DET1: variants seen among roughly 807,000 people sequenced by gnomAD.
DET1 encodes the protein DET1 partner of COP1 E3 ubiquitin ligase.
A neutral mutation model predicts 43.7 loss-of-function variants in DET1; 22 were observed. The observed-to-expected ratio is 0.50, with a 90% CI of 0.36 to 0.72. The LOEUF is 0.72. Ranked by LOEUF, DET1 falls within the 30% of genes least tolerant of loss-of-function variation. The probability of loss-of-function intolerance (pLI) is 0.00; values close to 1 mark genes in which losing one functional copy is unlikely to be tolerated. For missense variants in DET1, 713 were observed against 713.3 expected, an observed-to-expected ratio of 1.00 and a Z score of 0.00; for synonymous variants, 315 against 266.2, an observed-to-expected ratio of 1.18 and a Z score of -1.79.
At position 88,516,120 on chromosome 15, in the gene DET1, C is replaced by T. The variant is rs1252635500; in HGVS notation, c.1463+662G>A. The stretch of plus-strand genomic sequence containing the variant: ...TGTGTGAAAAAGACCTTCCAAGCTC[C>T]AGCCTATAGCCTCAGGAACACACCC... On this transcript the variant is annotated intron_variant, in intron 4 of 4. Transcript: ENST00000268148. This position sits in a 1 kb window ranked among gnomAD's most constrained non-coding sequence, Gnocchi z 4.4. Among the ~76,000 whole-genome samples, 3 of 152,154 alleles carry T rather than the reference C, an allele frequency of 2.0e-5. No homozygotes were observed. The highest frequency in any genetic ancestry group is 2.1e-4 in the South Asian group (1 of 4,824).
downstream of DET1, among the ~76,000 whole-genome samples, chr15:88,509,770 C>T (rs185696399): frequency 1.3e-4 from 20 of 152,352 alleles, no homozygotes; most frequent in Admixed American, 1.2e-3. Flanking sequence ...ATTTCCCAAG[C>T]TCCCTTGCTT....
In DET1 at chr15:88,531,269, A is replaced by G; in HGVS notation, c.437T>C (p.Leu146Pro). Residue 146 changes from leucine to proline, a missense_variant, in exon 2 of 5, where the codon CTC becomes CCC. Leu to Pro is a moderately conservative substitution (Grantham distance 98, BLOSUM62 -3). Transcript: ENST00000268148. The surrounding 1 kb of genome is among the most constrained non-coding windows in gnomAD (Gnocchi z 6.2). ...NGEHLNRECSLFTDDCRCVIV... is the reference protein window; with the variant it reads ...NGEHLNRECSPFTDDCRCVIV... ...GACACAGCGGCAGTCATCAGTGAAG[A>G]GACTACACTCCCGGTTCAGGTGCTC... 2 of 1,613,872 alleles carry G rather than the reference A, an allele frequency of 1.2e-6. No homozygotes were observed. The highest frequency in any genetic ancestry group is 1.7e-6 in the Non-Finnish European group (2 of 1,179,856).
rs1361900850 is a variant in DET1 at position 88,530,693 on chromosome 15, T to C, written c.1013A>G (p.Asp338Gly). 3.1e-6 allele frequency: 5 copies of C among 1,613,884 alleles called. No individual in the cohort carries two copies. The highest frequency in any genetic ancestry group is 4.2e-6 in the Non-Finnish European group (5 of 1,179,886). Residue 338 changes from aspartate (D) to glycine (G), a missense_variant, in exon 2 of 5, where the codon GAT (aspartate) becomes GGT (glycine). Physicochemically the swap from Asp to Gly is moderately conservative, Grantham distance 94. Transcript: ENST00000268148. ...QLRMWKMQLL[D>G]ENHLFIKYTS... ...GTACTTGATAAACAGGTGGTTTTCATCCAGAAGCTGCATTTTCCACATTCG... is the reference window on the plus strand; with the variant it reads ...GTACTTGATAAACAGGTGGTTTTCACCCAGAAGCTGCATTTTCCACATTCG...
At chr15:88,525,246 G>T (rs1006930840) in intron 3 of DET1, among the ~76,000 whole-genome samples, 1 of 152,046 alleles carries the variant, frequency 6.6e-6, no homozygotes, top group South Asian at 2.1e-4. Context: ...ACTGAAAATA[G>T]CATCCTCTGC....
intron 2 of DET1, among the ~76,000 whole-genome samples, 171 bp downstream of exon 2, chr15:88,530,452 A>G (rs1430849284): frequency 6.6e-6 from 1 of 152,222 alleles, no homozygotes; most frequent in African/African-American, 2.4e-5. Context: ...TTGTCCAGAT[A>G]AATACATATG....
chr15:88,544,380 G>A (rs1362375379), intron 1 of DET1, among the ~76,000 whole-genome samples: 3 of 152,208 alleles, frequency 2.0e-5, no homozygotes, highest in East Asian at 3.9e-4. Flanking sequence ...TTAAAATCAT[G>A]TATGGGAGGG....
At chr15:88,541,349 A>G (rs1377401647) in intron 1 of DET1, among the ~76,000 whole-genome samples, 2 of 151,832 alleles carry the variant, frequency 1.3e-5, no homozygotes, top group Non-Finnish European at 2.9e-5. Context: ...TGATCAATAA[A>G]TACTAAGGGA....
intron 3 of DET1, among the ~76,000 whole-genome samples, chr15:88,520,151 T>C (rs556303614): frequency 2.4e-4 from 37 of 152,276 alleles, no homozygotes; most frequent in African/African-American, 7.7e-4. Flanking sequence ...TGTTTCCCCT[T>C]CTCTACAGGA....
At chr15:88,522,483 A>G (rs2056518878) in intron 3 of DET1, among the ~76,000 whole-genome samples, 1 of 133,398 alleles carries the variant, frequency 7.5e-6, no homozygotes, top group African/African-American at 2.9e-5. Flanking sequence ...AATTTCCAAA[A>G]GTTTCTCATT....
At chr15:88,503,870 T>C (rs757994053) in intron 8 of DET1, 1 of 152,028 alleles carries the variant, frequency 6.6e-6, no homozygotes, top group Non-Finnish European at 1.5e-5. Context: ...CATGGTGACA[T>C]GTACCTGTGG....
intron 8 of DET1, chr15:88,503,569 G>C (rs2056109209): frequency 1.3e-5 from 2 of 152,232 alleles, no homozygotes; most frequent in South Asian, 2.1e-4. Context: ...ATCTCTCTAA[G>C]GTCAGTTTCC....
downstream of DET1, chr15:88,511,544 T>C (rs1288221768): frequency 1.0e-6 from 1 of 985,472 alleles, no homozygotes; most frequent in African/African-American, 1.7e-5. Flanking sequence ...TTCCACAGTA[T>C]ATTTTTCTTT....
intron 3 of DET1, among the ~76,000 whole-genome samples, chr15:88,522,727 C>G (rs914463424): frequency 4.0e-5 from 6 of 151,632 alleles, no homozygotes; most frequent in Non-Finnish European, 8.8e-5. Flanking sequence ...ACCATGGTAG[C>G]CAGGATGGTC....
downstream of DET1, among the ~76,000 whole-genome samples, chr15:88,507,995 T>C (rs150934753): frequency 2.1e-4 from 32 of 152,152 alleles, 1 homozygote; most frequent in African/African-American, 7.5e-4. Context: ...GCGGCGGCAT[T>C]AGATTCTCAT....
Position 88,533,801 on chromosome 15 carries a change from T to G in DET1, c.-10-2086A>C, listed in dbSNP as rs551182454. On this transcript the variant is annotated intron_variant, in intron 1 of 4. Coordinates refer to ENST00000268148, the MANE Select transcript of DET1 (RefSeq NM_001144074.3). ...ACTTGGGAGGCTGAGGTGGACCACT[T>G]GAGCCCAGGAGTTTGAGTCTAGCTT... Among the ~76,000 whole-genome samples the G allele has an allele frequency of 3.7e-5, 5 of 134,608 alleles. No homozygotes were observed. In the East Asian group the frequency reaches 1.1e-3, roughly 29 times the overall value. The allele number at this position is 134,608 out of a possible 152,430, so 88.3% of individuals were successfully genotyped here. A position where few individuals can be genotyped will look rare whatever the true frequency, so the allele number is the denominator to read the frequency against.
chr15:88,512,095 T>A (rs2056210116), downstream of DET1, among the ~76,000 whole-genome samples: 1 of 152,232 alleles, frequency 6.6e-6, no homozygotes, highest in Non-Finnish European at 1.5e-5. Context: ...CAGTCTGGTC[T>A]CTGTAGGGAC....
In DET1 at chr15:88,516,357, G is replaced by C. The variant is rs955265138; in HGVS notation, c.1463+425C>G. ...AATTCCTCCAAGTGAGGAAGCATGA[G>C]TTTCTTCTAAATCTGTCAGCAGGTC... On this transcript the variant is annotated intron_variant, in intron 4 of 4. Coordinates refer to ENST00000268148, the MANE Select transcript of DET1 (RefSeq NM_001144074.3). The surrounding 1 kb of genome is among the most constrained non-coding windows in gnomAD (Gnocchi z 4.4). Among the ~76,000 whole-genome samples the C allele has an allele frequency of 6.6e-6, 1 of 152,170 alleles. No individual in the cohort carries two copies. The highest frequency in any genetic ancestry group is 6.5e-5 in the Admixed American group (1 of 15,276).
At chr15:88,511,047 C>T (rs1055512309), downstream of DET1, among the ~76,000 whole-genome samples, 3 of 152,190 alleles carry the variant, frequency 2.0e-5, no homozygotes, top group Admixed American at 6.5e-5. Flanking sequence ...GCTGGGATTA[C>T]AGGCATGAGC....
chr15:88,517,222 G>GT (rs1246400422), intron 3 of DET1, among the ~76,000 whole-genome samples: 1 of 142,118 alleles, frequency 7.0e-6, no homozygotes, highest in Non-Finnish European at 1.5e-5. Flanking sequence ...TTTGGGTTTT[G>GT]GGTTTTTTTT....
Sources: gnomAD v4.1 joint callset for allele counts (sites outside exome capture counted in the v4.1 genomes callset) on GRCh38, gnomAD v4.1.1 for gene constraint, Gnocchi (gnomAD v3.1) non-coding constraint, MANE v1.5 for transcripts, NCBI Gene and HGNC (gene_info 2026-07-23, HGNC 2026-07-21) for gene names.